ADGRG7: variants seen among roughly 807,000 people sequenced by gnomAD.
The protein encoded by ADGRG7 is adhesion G protein-coupled receptor G7, also known as G-protein coupled receptor 128.
Under a neutral mutation model 88.6 loss-of-function variants are expected in ADGRG7, and 82 were observed. The ratio of observed to expected loss-of-function variants is 0.93; its 90% CI spans 0.77 to 1.11. The LOEUF is 1.11. ADGRG7 is among the 50% of genes most tolerant of loss of function. The pLI, the probability that ADGRG7 is intolerant of heterozygous loss-of-function variation, is 0.00. For synonymous variants in ADGRG7, 381 were observed against 345.2 expected (o/e 1.10, Z -1.15); for missense variants, 945 against 953.4 (o/e 0.99, Z 0.12).
chr3:100,617,270 G>A (rs1386455327), intron 1 of ADGRG7, among the ~76,000 whole-genome samples: 1 of 151,792 alleles, frequency 6.6e-6, no homozygotes, highest in Non-Finnish European at 1.5e-5. Context: ...TGCACAACAT[G>A]CAGATTAGTT....
intron 15 of ADGRG7, among the ~76,000 whole-genome samples, chr3:100,682,354 C>G (rs562727991): frequency 6.6e-6 from 1 of 152,316 alleles, no homozygotes; most frequent in South Asian, 2.1e-4. Flanking sequence ...GAGCTGGGGT[C>G]ACGCTTCAGG....
At chr3:100,651,695 TA>T (rs1230800334) in intron 11 of ADGRG7, among the ~76,000 whole-genome samples, 1 of 151,728 alleles carries the variant, frequency 6.6e-6, no homozygotes, top group African/African-American at 2.4e-5. Context: ...TTTTTTTTTT[TA>T]AAGAGAGAAA....
At chr3:100,624,939 C>A (rs1001541779) in intron 1 of ADGRG7, among the ~76,000 whole-genome samples, 1 of 152,082 alleles carries the variant, frequency 6.6e-6, no homozygotes, top group African/African-American at 2.4e-5. Context: ...GTTATTGTAG[C>A]CTTGTAGTAT....
At chr3:100,690,185 A>G (rs2094990806) in intron 15 of ADGRG7, among the ~76,000 whole-genome samples, 1 of 152,200 alleles carries the variant, frequency 6.6e-6, no homozygotes, top group African/African-American at 2.4e-5. Context: ...AGGCTTGTGC[A>G]TTCATCACGT....
chr3:100,691,833 A>G (rs1354978924), intron 15 of ADGRG7, among the ~76,000 whole-genome samples: 2 of 151,990 alleles, frequency 1.3e-5, no homozygotes, highest in Non-Finnish European at 2.9e-5. Context: ...TTTTTACCCT[A>G]TAAAATTAAC....
At chr3:100,628,895 C>G (rs1464551005) in intron 1 of ADGRG7, among the ~76,000 whole-genome samples, 1 of 152,094 alleles carries the variant, frequency 6.6e-6, no homozygotes, top group African/African-American at 2.4e-5. Context: ...CACTTATCCT[C>G]CTAAAAATAA....
chr3:100,616,356 GT>G (rs1439484299), intron 1 of ADGRG7, among the ~76,000 whole-genome samples: 1 of 151,850 alleles, frequency 6.6e-6, no homozygotes, highest in African/African-American at 2.4e-5. Flanking sequence ...TATAAAATAT[GT>G]TTAACAAGAT....
intron 14 of ADGRG7, among the ~76,000 whole-genome samples, chr3:100,668,044 C>A (rs2094953983): frequency 6.6e-6 from 1 of 152,120 alleles, no homozygotes; most frequent in African/African-American, 2.4e-5. Context: ...GAGAAAATTC[C>A]CCAACCCCTT....
rs1489230767 is a variant in ADGRG7, at chr3:100,637,506, A to G, written c.698+104A>G. On this transcript the variant is annotated intron_variant, in intron 6 of 15. Coordinates refer to ENST00000273352, the MANE Select transcript of ADGRG7 (RefSeq NM_032787.3). ...TCTTTATTTCTCTCATGGATGCAGT[A>G]ACTGACTGATTCCTCTGGAATGTAG... 7.5e-5 allele frequency: 57 copies of G among 757,118 alleles called. 1 individual carries two copies. The highest frequency in any genetic ancestry group is 6.1e-4 in the South Asian group (37 of 61,080). The allele number at this position is 757,118 out of a possible 1,614,324, so 46.9% of individuals were successfully genotyped here.
At chr3:100,616,534 T>C (rs1707226923) in intron 1 of ADGRG7, among the ~76,000 whole-genome samples, 1 of 152,240 alleles carries the variant, frequency 6.6e-6, no homozygotes, top group African/African-American at 2.4e-5. Context: ...ATTAAGGTGC[T>C]GAGCATGGTG....
intron 14 of ADGRG7, 40 bp from the exon 15 acceptor site, chr3:100,668,885 ATAATGACGTTGATAAGTAAAACCC>A: frequency 8.3e-7 from 1 of 1,205,976 alleles, no homozygotes; most frequent in African/African-American, 1.5e-5. Context: ...TAGGAGAGTA[ATAATGACGTTGATAAGTAAAACCC>A]TAATGAACCA....
In ADGRG7 at chr3:100,655,101, C is replaced by T. The variant is rs867094943; in HGVS notation, c.1646C>T (p.Ala549Val). The T allele has an allele frequency of 6.2e-7, 1 of 1,614,184 alleles. No individual in the cohort carries two copies. Among genetic ancestry groups the T allele is most frequent in the Middle Eastern group, 1.6e-4 (1 of 6,062 alleles). The part of the protein sequence containing the change: ...VTFTWNALSA[A>V]QLYYLLIRTM... ...TTTACCTGGAACGCACTCAGCGCTG[C>T]ACAGCTCTATTACCTTCTAATAAGG... Residue 549 changes from alanine to valine, a missense_variant, in exon 12 of 16, where the codon GCA (alanine) becomes GTA (valine). Ala to Val is a moderately conservative substitution (Grantham distance 64, BLOSUM62 0). Coordinates refer to ENST00000273352, the MANE Select transcript of ADGRG7 (RefSeq NM_032787.3).
At chr3:100,626,388 T>A (rs1481172304) in intron 1 of ADGRG7, among the ~76,000 whole-genome samples, 1 of 152,246 alleles carries the variant, frequency 6.6e-6, no homozygotes, top group Admixed American at 6.5e-5. Context: ...AACTTTCATT[T>A]ATGGATTTTG....
chr3:100,690,827 G>C (rs960675134), intron 15 of ADGRG7, among the ~76,000 whole-genome samples: 4 of 152,220 alleles, frequency 2.6e-5, no homozygotes, highest in African/African-American at 9.6e-5. Context: ...GGACCCACTT[G>C]AGGAGGCAGT....
At chr3:100,644,875 C>T (rs1707714517) in intron 8 of ADGRG7, among the ~76,000 whole-genome samples, 1 of 151,992 alleles carries the variant, frequency 6.6e-6, no homozygotes, top group Non-Finnish European at 1.5e-5. Flanking sequence ...AACCTTGCTC[C>T]ATTATTAGGG....
At chr3:100,627,441 A>C (rs1342694081) in intron 1 of ADGRG7, among the ~76,000 whole-genome samples, 1 of 152,044 alleles carries the variant, frequency 6.6e-6, no homozygotes, top group African/African-American at 2.4e-5. Context: ...TATTAGTTTT[A>C]TATGTTGAGA....
rs1559681848 is a variant in ADGRG7 at position 100,655,910 on chromosome 3, A to ATAGT, written c.1739_1742dup (p.Val582SerfsTer16). ...TCTTTATCACATAGGAGTCCCAGCT[A>ATAGT]TAGTAGTGGCTATAACAGTGGGAGT... On this transcript the variant is annotated frameshift_variant, in exon 13 of 16. Transcript: ENST00000273352. LOFTEE classifies it high-confidence loss of function. 1 of 1,589,166 alleles carries ATAGT rather than the reference A, an allele frequency of 6.3e-7. No individual in the cohort carries two copies. The highest frequency in any genetic ancestry group is 1.7e-5 in the Admixed American group (1 of 59,992).
rs879700554 is a variant in ADGRG7 at position 100,622,761 on chromosome 3, CT to C, written c.116-6829del. Reference sequence around the variant, plus strand: ...AGTTTGTGGCTTCCATTTTTATCTTCTTTTTTTTCCTTTTTTTTGAGATGGA... The same window carrying C: ...AGTTTGTGGCTTCCATTTTTATCTTCTTTTTTTCCTTTTTTTTGAGATGGA... On this transcript the variant is annotated intron_variant, in intron 1 of 15. Transcript: ENST00000273352. Among the ~76,000 whole-genome samples the C allele has an allele frequency of 3.3e-5, 5 of 151,568 alleles. No homozygotes were observed. The East Asian group carries it at 5.8e-4, about 18-fold the overall frequency.
chr3:100,617,062 T>C lies in ADGRG7; in HGVS notation c.115+7091T>C, dbSNP rs368502563. Among the ~76,000 whole-genome samples, 27 of 152,180 alleles carry C rather than the reference T, an allele frequency of 1.8e-4. No homozygotes were observed. The East Asian group carries it at 2.5e-3, about 14-fold the overall frequency. On this transcript the variant is annotated intron_variant, in intron 1 of 15. Transcript: ENST00000273352. ...TTAAAGAAGTAATAACTAAAAAGTT[T>C]TCTTGATTGAAGGATGACTTTTCAA...
Sources: allele counts gnomAD v4.1 joint callset (sites outside exome capture counted in the v4.1 genomes callset), GRCh38; gene constraint gnomAD v4.1.1; transcripts MANE v1.5; gene names NCBI Gene and HGNC (gene_info 2026-07-23, HGNC 2026-07-21).